Variants in MLLT1 observed in about 807,000 individuals in gnomAD.
MLLT1 encodes MLLT1 super elongation complex subunit.
In MLLT1, 11 loss-of-function variants were observed where a neutral mutation model predicts 55.1. The ratio of observed to expected loss-of-function variants is 0.20; its 90% confidence interval spans 0.13 to 0.33. MLLT1 has a LOEUF of 0.33. MLLT1 is among the 10% of genes least tolerant of loss of function. MLLT1 has a pLI of 1.00. For missense variants in MLLT1, 536 were observed against 760.6 expected, an observed-to-expected ratio of 0.70 and a Z score of 3.47; for synonymous variants, 323 against 320.1, an observed-to-expected ratio of 1.01 and a Z score of -0.10.
intron 3 of MLLT1, among the ~76,000 whole-genome samples, chr19:6,247,610 G>A (rs947783359): frequency 6.6e-6 from 1 of 152,198 alleles, no homozygotes; most frequent in Non-Finnish European, 1.5e-5. Flanking sequence ...AGAAAGGAAG[G>A]AGGAAATTAA....
rs1250852183 is a variant in MLLT1 at position 6,212,243 on chromosome 19, T to C, written c.*799A>G. On this transcript the variant is annotated 3_prime_UTR_variant, in exon 12 of 12. Coordinates refer to ENST00000252674, the MANE Select transcript of MLLT1 (RefSeq NM_005934.4). Reference sequence around the variant, plus strand: ...CCTGAGGACTCGCTGCCCTTTGTAGTGTTGGCTGACCCCCCCGGGAGCCCC... The same window carrying C: ...CCTGAGGACTCGCTGCCCTTTGTAGCGTTGGCTGACCCCCCCGGGAGCCCC... The C allele has an allele frequency of 1.9e-6, 2 of 1,065,274 alleles. No homozygotes were observed. The highest frequency in any genetic ancestry group is 1.6e-5 in the African/African-American group (1 of 60,738). 66.0% of individuals were successfully genotyped at this position (1,065,274 alleles called of 1,614,324 possible).
chr19:6,223,139 C>A (rs1057097844), intron 5 of MLLT1, among the ~76,000 whole-genome samples: 9 of 152,184 alleles, frequency 5.9e-5, no homozygotes, highest in Non-Finnish European at 5.9e-5. Context: ...ATGCTACGTG[C>A]GGGAAGCTCA....
intron 5 of MLLT1, among the ~76,000 whole-genome samples, chr19:6,223,899 C>A (rs1395982730): frequency 6.6e-6 from 1 of 152,178 alleles, no homozygotes; most frequent in Non-Finnish European, 1.5e-5. Context: ...TGCACGGCGG[C>A]CCCAGAGCCT....
intron 3 of MLLT1, among the ~76,000 whole-genome samples, chr19:6,242,921 T>C (rs969997467): frequency 6.6e-6 from 1 of 151,946 alleles, no homozygotes; most frequent in Non-Finnish European, 1.5e-5. Flanking sequence ...TCTCTGCCCC[T>C]CTCGGTTTTG....
chr19:6,269,380 G>A (rs1183142661), intron 2 of MLLT1, among the ~76,000 whole-genome samples: 1 of 152,248 alleles, frequency 6.6e-6, no homozygotes, highest in Non-Finnish European at 1.5e-5. Context: ...CCCACGATTA[G>A]GAAGCGGTTT....
intron 8 of MLLT1, among the ~76,000 whole-genome samples, chr19:6,215,366 C>T (rs915969158): frequency 2.0e-5 from 3 of 152,236 alleles, no homozygotes; most frequent in African/African-American, 4.8e-5. Context: ...CCGAACGAGG[C>T]GGGAGCCTGC....
At chr19:6,221,998 G>C in intron 6 of MLLT1, 123 bp downstream of exon 6, 1 of 729,918 alleles carries the variant, frequency 1.4e-6, no homozygotes, top group Non-Finnish European at 2.0e-6. Flanking sequence ...AAGCCAGTGG[G>C]AGGAGCAGCT....
At chr19:6,272,598 G>A (rs1331899984) in intron 1 of MLLT1, among the ~76,000 whole-genome samples, 1 of 152,242 alleles carries the variant, frequency 6.6e-6, no homozygotes, top group African/African-American at 2.4e-5. Context: ...CTCCTGGGTT[G>A]CTGACGCAGC....
intron 8 of MLLT1, among the ~76,000 whole-genome samples, chr19:6,214,901 C>T (rs899749558): frequency 3.3e-5 from 5 of 152,198 alleles, no homozygotes; most frequent in African/African-American, 4.8e-5. Context: ...GCTCCTGCCC[C>T]GGCGCAGGCT....
At chr19:6,237,309 G>A (rs1032694481) in intron 3 of MLLT1, among the ~76,000 whole-genome samples, 1 of 152,136 alleles carries the variant, frequency 6.6e-6, no homozygotes, top group Non-Finnish European at 1.5e-5. Context: ...CCCAATCCTG[G>A]ATGTGAGGGG....
At chr19:6,216,182 G>C (rs1362588261) in intron 8 of MLLT1, among the ~76,000 whole-genome samples, 1 of 152,118 alleles carries the variant, frequency 6.6e-6, no homozygotes, top group African/African-American at 2.4e-5. Flanking sequence ...GATGGGGGCA[G>C]CCCTTGAGGC....
At chr19:6,269,554 C>T (rs571010113) in intron 2 of MLLT1, among the ~76,000 whole-genome samples, 2 of 152,368 alleles carry the variant, frequency 1.3e-5, no homozygotes, top group East Asian at 1.9e-4. Context: ...TTCAGAATGA[C>T]AAGCCTCTAC....
Position 6,212,652 on chromosome 19 carries a change from C to T in MLLT1, c.*390G>A. ...GAACCATTCGGGAGGCTGGAGATGCCCCCCAGCCGTCGATCCGCTGCTCAG... is the reference window on the plus strand; with the variant it reads ...GAACCATTCGGGAGGCTGGAGATGCTCCCCAGCCGTCGATCCGCTGCTCAG... On this transcript the variant is annotated 3_prime_UTR_variant, in exon 12 of 12. Coordinates refer to ENST00000252674, the MANE Select transcript of MLLT1 (RefSeq NM_005934.4). 2.7e-6 allele frequency: 3 copies of T among 1,110,660 alleles called. No individual in the cohort carries two copies. The highest frequency in any genetic ancestry group is 3.3e-5 in the African/African-American group (2 of 61,508). The allele number at this position is 1,110,660 out of a possible 1,614,324, so 68.8% of individuals were successfully genotyped here. A position where few individuals can be genotyped will look rare whatever the true frequency, so the allele number is the denominator to read the frequency against.
intron 3 of MLLT1, among the ~76,000 whole-genome samples, chr19:6,257,955 G>A (rs2091272648): frequency 6.6e-6 from 1 of 152,198 alleles, no homozygotes; most frequent in Non-Finnish European, 1.5e-5. Context: ...CTATACCCTA[G>A]AGGATGGCTA....
At chr19:6,216,836 G>A (rs1568274880) in intron 7 of MLLT1, 4 of 319,350 alleles carry the variant, frequency 1.3e-5, no homozygotes, top group African/African-American at 2.2e-5. Context: ...TCTGCTCGGG[G>A]CACAGAGATC....
intron 6 of MLLT1, among the ~76,000 whole-genome samples, chr19:6,221,791 G>A (rs964095604): frequency 3.3e-5 from 5 of 152,228 alleles, no homozygotes; most frequent in Non-Finnish European, 1.5e-5. Context: ...GCACCAGAGC[G>A]GCCAAGACCC....
chr19:6,270,317 GGCTGT>G lies in MLLT1; in HGVS notation c.193+257_193+261del, dbSNP rs1355809069. On this transcript the variant is annotated intron_variant, in intron 2 of 11. Coordinates refer to ENST00000252674, the MANE Select transcript of MLLT1 (RefSeq NM_005934.4). This position sits in a 1 kb window ranked among gnomAD's most constrained non-coding sequence, Gnocchi z 7.1. ...TCACCTGTCCCACCCATGCCAACCT[GGCTGT>G]GCTCCCTGGCTGCTTCCCAGAGCCC... is the stretch of plus-strand genomic sequence containing the variant. 1.3e-5 allele frequency among the ~76,000 whole-genome samples: 2 copies of G among 152,290 alleles called. No individual in the cohort carries two copies. Among genetic ancestry groups the G allele is most frequent in the East Asian group, 3.9e-4 (2 of 5,180 alleles).
chr19:6,213,966 G>T lies in MLLT1; in HGVS notation c.1380C>A (p.Pro460=), dbSNP rs751810970. Residue 460 remains proline, a synonymous_variant, in exon 9 of 12, where the codon CCC becomes CCA. Coordinates refer to ENST00000252674, the MANE Select transcript of MLLT1 (RefSeq NM_005934.4). Reference sequence around the variant, plus strand: ...TGCTGTTGGGCGGGGGTGGCTTCTGGGGGGGTGGGGGCTCACGGCTGGGCA... The same window carrying T: ...TGCTGTTGGGCGGGGGTGGCTTCTGTGGGGGTGGGGGCTCACGGCTGGGCA... ...SSLPSREPPP[P]QKPPPPNSKV... 2.1e-6 allele frequency: 3 copies of T among 1,458,172 alleles called. No individual in the cohort carries two copies. The highest frequency in any genetic ancestry group is 2.4e-5 in the East Asian group (1 of 40,832). The allele number at this position is 1,458,172 out of a possible 1,614,324, so 90.3% of individuals were successfully genotyped here. A position where few individuals can be genotyped will look rare whatever the true frequency, so the allele number is the denominator to read the frequency against.
At chr19:6,236,470 A>G (rs1019810984) in intron 3 of MLLT1, among the ~76,000 whole-genome samples, 9 of 152,104 alleles carry the variant, frequency 5.9e-5, no homozygotes, top group African/African-American at 2.2e-4. Flanking sequence ...CCAAACAGGG[A>G]AGGCAGCCAC....
Sources: allele counts gnomAD v4.1 joint callset (sites outside exome capture counted in the v4.1 genomes callset), GRCh38; gene constraint gnomAD v4.1.1; non-coding constraint Gnocchi (gnomAD v3.1); transcripts MANE v1.5; gene names NCBI Gene and HGNC (gene_info 2026-07-23, HGNC 2026-07-21).